Variants in NEK7 observed in about 807,000 individuals in gnomAD.
NEK7 encodes NIMA related kinase 7.
Under a neutral mutation model 44.6 loss-of-function variants are expected in NEK7, and 18 were observed. The ratio of observed to expected loss-of-function variants is 0.40; its 90% confidence interval spans 0.28 to 0.60. The LOEUF (loss-of-function observed/expected upper bound fraction) is 0.60. Among genes scored for constraint, NEK7 ranks in the 20% least tolerant of loss-of-function variants. NEK7 has a pLI of 0.38. For missense variants in NEK7, 256 were observed against 366.5 expected (o/e 0.70, Z 2.46); for synonymous variants, 130 against 121.1 (o/e 1.07, Z -0.48).
intron 3 of NEK7, among the ~76,000 whole-genome samples, chr1:198,257,242 G>A (rs1177345456): frequency 6.6e-6 from 1 of 152,012 alleles, no homozygotes; most frequent in African/African-American, 2.4e-5. Context: ...TTTGATTCAG[G>A]TGATCTCAAA....
chr1:198,260,580 G>A (rs985078415), intron 3 of NEK7, among the ~76,000 whole-genome samples: 3 of 151,888 alleles, frequency 2.0e-5, no homozygotes, highest in East Asian at 1.9e-4. Flanking sequence ...TATATGTACC[G>A]GCATACATAT....
intron 2 of NEK7, among the ~76,000 whole-genome samples, chr1:198,243,891 GT>G (rs1181406602): frequency 1.3e-5 from 2 of 150,788 alleles, no homozygotes; most frequent in African/African-American, 4.9e-5. Flanking sequence ...CACATATGGT[GT>G]TTTTTTGTTT....
chr1:198,259,239 A>G (rs1024458692), intron 3 of NEK7, among the ~76,000 whole-genome samples: 6 of 152,128 alleles, frequency 3.9e-5, no homozygotes, highest in African/African-American at 1.2e-4. Flanking sequence ...GTATCTTGTT[A>G]TGGTTTCCTA....
chr1:198,253,414 C>G (rs2102927138), intron 3 of NEK7, among the ~76,000 whole-genome samples: 1 of 152,152 alleles, frequency 6.6e-6, no homozygotes, highest in Non-Finnish European at 1.5e-5. Context: ...AAAAAGCTTT[C>G]ACAACTCTAG....
At position 198,277,892 on chromosome 1, in the gene NEK7, T is replaced by A; in HGVS notation, c.373-69T>A. On this transcript the variant is annotated intron_variant, in intron 5 of 9. Coordinates refer to ENST00000367385, the MANE Select transcript of NEK7 (RefSeq NM_133494.3). Reference sequence around the variant, plus strand: ...TTAGCTGTTTTTCTGACTTACGGATTTTTGCTTACCAGAATCCAGTCTTGA... The same window carrying A: ...TTAGCTGTTTTTCTGACTTACGGATATTTGCTTACCAGAATCCAGTCTTGA... 3 of 839,520 alleles carry A rather than the reference T, an allele frequency of 3.6e-6. No homozygotes were observed. The South Asian group carries it at 4.4e-5, about 12-fold the overall frequency. The allele number at this position is 839,520 out of a possible 1,614,324, so 52.0% of individuals were successfully genotyped here.
At chr1:198,188,169 C>T (rs979147713) in intron 1 of NEK7, among the ~76,000 whole-genome samples, 8 of 152,160 alleles carry the variant, frequency 5.3e-5, no homozygotes, top group African/African-American at 1.7e-4. Context: ...GCACACTGCT[C>T]GCTCTACCTT....
chr1:198,280,807 A>G (rs1041488605), intron 7 of NEK7, among the ~76,000 whole-genome samples: 4 of 149,640 alleles, frequency 2.7e-5, no homozygotes, highest in African/African-American at 9.8e-5. Flanking sequence ...TTATAAATAA[A>G]CATATGCTCA....
chr1:198,216,457 G>A (rs967161626), intron 1 of NEK7, among the ~76,000 whole-genome samples: 6 of 151,868 alleles, frequency 4.0e-5, no homozygotes, highest in Admixed American at 1.3e-4. Flanking sequence ...AGTTTATAGC[G>A]CTAAATATCT....
intron 1 of NEK7, among the ~76,000 whole-genome samples, chr1:198,184,400 G>T (rs1231083065): frequency 6.6e-6 from 1 of 152,070 alleles, no homozygotes; most frequent in African/African-American, 2.4e-5. Flanking sequence ...CTGTTTGACA[G>T]ACAAATTTTA....
intron 2 of NEK7, among the ~76,000 whole-genome samples, chr1:198,246,623 G>A (rs1295501992): frequency 6.6e-6 from 1 of 152,246 alleles, no homozygotes; most frequent in African/African-American, 2.4e-5. Context: ...TGCAAATGTA[G>A]GTCATTGCAT....
At chr1:198,189,560 C>T (rs942520603) in intron 1 of NEK7, among the ~76,000 whole-genome samples, 26 of 152,018 alleles carry the variant, frequency 1.7e-4, no homozygotes, top group Admixed American at 4.6e-4. Flanking sequence ...TACAAATTTT[C>T]GGCCTGGGTT....
chr1:198,175,518 G>A (rs1372461634), intron 1 of NEK7, among the ~76,000 whole-genome samples: 5 of 152,110 alleles, frequency 3.3e-5, no homozygotes, highest in African/African-American at 1.2e-4. Context: ...TTTTAAATCT[G>A]GTTTTGAAGA....
intron 1 of NEK7, among the ~76,000 whole-genome samples, chr1:198,221,355 C>G (rs1666073953): frequency 6.6e-6 from 1 of 151,676 alleles, no homozygotes; most frequent in South Asian, 2.1e-4. Context: ...ATTGACCAGT[C>G]TTTAAATCTT....
chr1:198,157,757 C>A (rs1208674673), intron 1 of NEK7, among the ~76,000 whole-genome samples: 2 of 152,070 alleles, frequency 1.3e-5, no homozygotes, highest in African/African-American at 2.4e-5. Flanking sequence ...GTGGTGGGAG[C>A]CGGCAGATAG....
chr1:198,159,039 G>T (rs951638252), intron 1 of NEK7, among the ~76,000 whole-genome samples: 3 of 152,190 alleles, frequency 2.0e-5, no homozygotes, highest in Non-Finnish European at 4.4e-5. Flanking sequence ...TGTGTGCGGG[G>T]GTAGTGTTAA....
chr1:198,171,620 A>C (rs1417604892), intron 1 of NEK7, among the ~76,000 whole-genome samples: 3 of 151,872 alleles, frequency 2.0e-5, no homozygotes, highest in African/African-American at 7.3e-5. Context: ...TGGAGGTTAC[A>C]GTGAGCTGAG....
At chr1:198,267,408 G>C (rs1162813407) in intron 5 of NEK7, among the ~76,000 whole-genome samples, 1 of 151,884 alleles carries the variant, frequency 6.6e-6, no homozygotes, top group Non-Finnish European at 1.5e-5. Context: ...ATTAAATAAG[G>C]AGTTTGGAGG....
intron 1 of NEK7, among the ~76,000 whole-genome samples, chr1:198,194,670 G>T (rs112207020): frequency 6.6e-6 from 1 of 152,156 alleles, no homozygotes; most frequent in African/African-American, 2.4e-5. Context: ...TGACTGCATG[G>T]TATTCCATGA....
At chr1:198,237,049 C>A (rs1666559907) in intron 2 of NEK7, among the ~76,000 whole-genome samples, 2 of 152,272 alleles carry the variant, frequency 1.3e-5, no homozygotes, top group South Asian at 4.1e-4. Context: ...AGTTTTCAGG[C>A]CTCATTTTAC....
Sources: allele counts gnomAD v4.1 joint callset (sites outside exome capture counted in the v4.1 genomes callset), GRCh38; gene constraint gnomAD v4.1.1; transcripts MANE v1.5; gene names NCBI Gene and HGNC (gene_info 2026-07-23, HGNC 2026-07-21).